EOGT: variants seen among roughly 807,000 people sequenced by gnomAD.
EOGT encodes EGF domain specific O-linked N-acetylglucosamine transferase.
EOGT carries 55 observed loss-of-function variants against 70.5 expected under a neutral mutation model. The ratio of observed to expected loss-of-function variants is 0.78; its 90% CI spans 0.63 to 0.98. The LOEUF (loss-of-function observed/expected upper bound fraction) is 0.98, where lower values mean the gene tolerates loss of function less well. Ranked by LOEUF, EOGT falls within the 50% of genes least tolerant of loss-of-function variation. EOGT has a pLI of 0.00. For synonymous variants in EOGT, 246 were observed against 217.1 expected, an observed-to-expected ratio of 1.13 and a Z score of -1.17; for missense variants, 703 against 641.9, an observed-to-expected ratio of 1.10 and a Z score of -1.03.
chr3:69,006,830 T>G (rs1032308620), intron 6 of EOGT, among the ~76,000 whole-genome samples: 18 of 152,232 alleles, frequency 1.2e-4, no homozygotes, highest in African/African-American at 4.3e-4. Flanking sequence ...AAACCTGCAT[T>G]TTAATCCTAG....
rs1363501513 is a variant in EOGT, at chr3:68,975,693, T to C, written c.*1925A>G. On this transcript the variant is annotated 3_prime_UTR_variant, in exon 18 of 18. Coordinates refer to ENST00000383701, the MANE Select transcript of EOGT (RefSeq NM_001278689.2). ...ACCTGCCACTTAAAAATCCATAACATGTTGTAATTCTTCTTATGTGATTTT... is the reference window on the plus strand; with the variant it reads ...ACCTGCCACTTAAAAATCCATAACACGTTGTAATTCTTCTTATGTGATTTT... 2.6e-5 allele frequency: 4 copies of C among 152,210 alleles called. No homozygotes were observed. Among genetic ancestry groups the C allele is most frequent in the Admixed American group, 6.5e-5 (1 of 15,282 alleles). The allele number at this position is 152,210 out of a possible 1,614,324, so 9.4% of individuals were successfully genotyped here. A position where few individuals can be genotyped will look rare whatever the true frequency, so the allele number is the denominator to read the frequency against.
chr3:69,003,294 G>A (rs950222532), intron 8 of EOGT, among the ~76,000 whole-genome samples: 1 of 152,148 alleles, frequency 6.6e-6, no homozygotes. Context: ...ATTAGACAAC[G>A]TACAAGTTCT....
At position 69,008,442 on chromosome 3, in the gene EOGT, A is replaced by G; in HGVS notation, c.297T>C (p.Tyr99=). The G allele has an allele frequency of 1.2e-6, 2 of 1,613,800 alleles. No individual in the cohort carries two copies. Among genetic ancestry groups the G allele is most frequent in the Non-Finnish European group, 1.7e-6 (2 of 1,179,686 alleles). ...TGGAAACTTACCATCCCATGTCGAC[A>G]TAGCTGCAAACTGGGTAACCAAACC... ...EFRFGYPVCS[Y]VDMGWTDTLE... is the part of the protein sequence containing the mutation. The change falls in exon 5 of 18, where the codon TAT becomes TAC. Residue 99 remains tyrosine (Y), a synonymous_variant. Coordinates refer to ENST00000383701, the MANE Select transcript of EOGT (RefSeq NM_001278689.2).
chr3:68,989,111 A>G lies in EOGT; in HGVS notation c.832-94T>C, dbSNP rs536686040. The G allele has an allele frequency of 9.0e-5, 60 of 663,236 alleles. 1 individual carries two copies. The highest frequency in any genetic ancestry group is 1.3e-4 in the Non-Finnish European group (53 of 405,462). The allele number at this position is 663,236 out of a possible 1,614,324, so 41.1% of individuals were successfully genotyped here. A position where few individuals can be genotyped will look rare whatever the true frequency, so the allele number is the denominator to read the frequency against. ...CAAAATACCTGAATTTGCCTGTGTT[A>G]AAAACTAACAATCCTACGCAAGTTC... On this transcript the variant is annotated intron_variant, in intron 10 of 17. Transcript: ENST00000383701.
At chr3:69,006,145 A>G (rs1198346945) in intron 6 of EOGT, among the ~76,000 whole-genome samples, 1 of 152,242 alleles carries the variant, frequency 6.6e-6, no homozygotes, top group Non-Finnish European at 1.5e-5. Context: ...CTTAATCAAA[A>G]GAACATTCTA....
intron 15 of EOGT, among the ~76,000 whole-genome samples, chr3:68,980,128 C>G (rs1044006311): frequency 6.6e-6 from 1 of 152,088 alleles, no homozygotes; most frequent in Non-Finnish European, 1.5e-5. Context: ...GTGTTCAAAT[C>G]GAGGTAGATA....
At chr3:68,980,857 G>A (rs6807892) in intron 15 of EOGT, among the ~76,000 whole-genome samples, 123,478 of 152,188 alleles carry the variant, frequency 0.81, 50,274 homozygotes, top group Admixed American at 0.84. Context: ...CATGTTACTA[G>A]TATTTCCCGC....
At position 69,004,436 on chromosome 3, in the gene EOGT, T is replaced by C; in HGVS notation, c.562A>G (p.Lys188Glu). The change falls in exon 8 of 18, where the codon AAA (lysine) becomes GAA (glutamate). Residue 188 changes from lysine (K) to glutamate (E), a missense_variant. By Grantham distance (56) the Lys-to-Glu change is moderately conservative (BLOSUM62 1). Transcript: ENST00000383701. ...FQSGEIGGHC[K>E]LDIRTLTSEG... ...GACGTCAATGTACGGATGTCAAGTT[T>C]ACAGTGCCCTCCAATTTCACCACTC... 1.9e-6 allele frequency: 3 copies of C among 1,614,158 alleles called. No individual in the cohort carries two copies. The highest frequency in any genetic ancestry group is 2.5e-6 in the Non-Finnish European group (3 of 1,180,002).
chr3:69,009,565 T>C, intron 4 of EOGT, 72 bp downstream of exon 4: 1 of 1,218,448 alleles, frequency 8.2e-7, no homozygotes, highest in Non-Finnish European at 1.2e-6. Flanking sequence ...AGTTTCAGGT[T>C]ATAAAGCAGA....
chr3:68,991,258 T>C (rs7644494), intron 10 of EOGT, among the ~76,000 whole-genome samples: 62,918 of 152,088 alleles, frequency 0.41, 13,788 homozygotes, highest in Non-Finnish European at 0.49. Flanking sequence ...TGAAGAATAT[T>C]TGGATAGTCT....
chr3:69,005,317 C>G, intron 6 of EOGT, 83 bp from the exon 7 acceptor site: 1 of 698,060 alleles, frequency 1.4e-6, no homozygotes, highest in South Asian at 1.8e-5. Context: ...ACACTGACAG[C>G]ACGGATACCC....
At chr3:69,010,483 C>T (rs1004930999) in intron 3 of EOGT, among the ~76,000 whole-genome samples, 8 of 152,176 alleles carry the variant, frequency 5.3e-5, no homozygotes, top group African/African-American at 9.7e-5. Flanking sequence ...GGATTTGAAT[C>T]GCAAATCTGC....
chr3:68,990,225 A>T (rs1326433789), intron 10 of EOGT, among the ~76,000 whole-genome samples: 1 of 151,970 alleles, frequency 6.6e-6, no homozygotes, highest in Non-Finnish European at 1.5e-5. Context: ...ATTTTAAGTC[A>T]TTTGCCTACA....
intron 5 of EOGT, 21 bp downstream of exon 5, chr3:69,008,407 G>GTAT (rs2091490818): frequency 1.3e-6 from 2 of 1,523,938 alleles, no homozygotes; most frequent in East Asian, 4.5e-5. Flanking sequence ...CTTGAAGAGG[G>GTAT]TATTCCATAT....
At chr3:69,009,533 C>T (rs561924160) in intron 4 of EOGT, 104 bp downstream of exon 4, 46 of 839,382 alleles carry the variant, frequency 5.5e-5, no homozygotes, top group African/African-American at 4.8e-4. Context: ...CAGTGACAAC[C>T]GAAAATTAGA....
rs192803966 is a variant in EOGT, at chr3:69,006,410, A to T, written c.421-1176T>A. ...ATACTCAGTTTTTGAATGTGAGTAA[A>T]TTAAAAAATTTTTTTAGTTCTCCAG... On this transcript the variant is annotated intron_variant, in intron 6 of 17. Coordinates refer to ENST00000383701, the MANE Select transcript of EOGT (RefSeq NM_001278689.2). Among the ~76,000 whole-genome samples, 26 of 152,342 alleles carry T rather than the reference A, an allele frequency of 1.7e-4. No individual in the cohort carries two copies. In the East Asian group the frequency reaches 4.4e-3, roughly 26 times the overall value.
intron 10 of EOGT, among the ~76,000 whole-genome samples, chr3:68,995,957 A>G (rs1373879468): frequency 6.6e-6 from 1 of 152,212 alleles, no homozygotes; most frequent in African/African-American, 2.4e-5. Flanking sequence ...GAAATGAAGT[A>G]ACATAATTTA....
At chr3:68,983,846 C>G (rs1419799580) in intron 14 of EOGT, among the ~76,000 whole-genome samples, 3 of 152,114 alleles carry the variant, frequency 2.0e-5, no homozygotes, top group African/African-American at 7.2e-5. Flanking sequence ...GCCTGTAATC[C>G]CAGCTACTCG....
chr3:68,988,894 T>C (rs1164527433), intron 11 of EOGT, 31 bp downstream of exon 11: 4 of 1,245,266 alleles, frequency 3.2e-6, no homozygotes, highest in African/African-American at 1.5e-5. Flanking sequence ...TCAAGAAATA[T>C]TCACAGACAT....
Sources: gnomAD v4.1 joint callset for allele counts (sites outside exome capture counted in the v4.1 genomes callset) on GRCh38, gnomAD v4.1.1 for gene constraint, MANE v1.5 for transcripts, NCBI Gene and HGNC (gene_info 2026-07-23, HGNC 2026-07-21) for gene names.